AGBL1: variants seen among roughly 807,000 people sequenced by gnomAD.
AGBL1 encodes the protein AGBL carboxypeptidase 1, also known as cytosolic carboxypeptidase 4.
Under a neutral mutation model 118.9 loss-of-function variants are expected in AGBL1, and 130 were observed. The observed-to-expected ratio is 1.09, with a 90% confidence interval of 0.95 to 1.26. The LOEUF (loss-of-function observed/expected upper bound fraction) is 1.26. AGBL1 is among the 50% of genes most tolerant of loss of function. The pLI, the probability that AGBL1 is intolerant of heterozygous loss-of-function variation, is 0.00. For missense variants in AGBL1, 1,584 were observed against 1,298.1 expected (o/e 1.22, Z -3.38); for synonymous variants, 555 against 478.9 (o/e 1.16, Z -2.08).
In AGBL1 at chr15:86,522,872, T is replaced by C; in HGVS notation, c.2618T>C (p.Leu873Pro). Residue 873 changes from leucine (L) to proline (P), a missense_variant, in exon 19 of 23, where the codon CTG becomes CCG. Transcript: ENST00000614907. ...NRQWLSPSAH[L>P]QPTIYHAKGL... ...CAATGGCTTTCTCCCAGTGCTCATC[T>C]GCAGCCAACCATTTACCATGCCAAA... 6.2e-7 allele frequency: 1 copy of C among 1,613,998 alleles called. No homozygotes were observed. Among genetic ancestry groups the C allele is most frequent in the African/African-American group, 1.3e-5 (1 of 75,070 alleles).
At chr15:86,272,216 C>A (rs2079173656) in intron 15 of AGBL1, among the ~76,000 whole-genome samples, 1 of 152,170 alleles carries the variant, frequency 6.6e-6, no homozygotes, top group African/African-American at 2.4e-5. Flanking sequence ...CAAAATTCAT[C>A]TTCAATCCTT....
In AGBL1 at chr15:86,789,390, G is replaced by A. The variant is rs893267804; in HGVS notation, c.3158+114954G>A. ...AAGTTTCAGCCAAATTCCCATCACC[G>A]CAGCTTGTACTTTGGCTTTGGTAGT... is the stretch of plus-strand genomic sequence containing the variant. On this transcript the variant is annotated intron_variant, in intron 22 of 22. Transcript: ENST00000614907. Among the ~76,000 whole-genome samples the A allele has an allele frequency of 3.9e-5, 6 of 152,172 alleles. No homozygotes were observed. The East Asian group carries it at 9.6e-4, about 24-fold the overall frequency.
intron 22 of AGBL1, among the ~76,000 whole-genome samples, chr15:86,682,700 T>G (rs1409509646): frequency 1.3e-5 from 2 of 152,014 alleles, no homozygotes; most frequent in African/African-American, 4.8e-5. Flanking sequence ...TTCTTAGCAG[T>G]AAAAAAAGAA....
At chr15:86,198,608 A>G (rs1567120332) in intron 5 of AGBL1, among the ~76,000 whole-genome samples, 1 of 152,168 alleles carries the variant, frequency 6.6e-6, no homozygotes, top group Non-Finnish European at 1.5e-5. Flanking sequence ...ATTAGATCAT[A>G]AGGGTGAGAT....
chr15:87,008,069 A>T (rs1437611037), intron 24 of AGBL1, among the ~76,000 whole-genome samples: 1 of 152,190 alleles, frequency 6.6e-6, no homozygotes, highest in Non-Finnish European at 1.5e-5. Flanking sequence ...ACTTGACTGG[A>T]TTAAGAAATA....
chr15:86,255,275 T>G (rs549576014), intron 7 of AGBL1, among the ~76,000 whole-genome samples: 1 of 152,320 alleles, frequency 6.6e-6, no homozygotes, highest in African/African-American at 2.4e-5. Flanking sequence ...CATGAAACAC[T>G]TGAGACCATT....
chr15:86,364,559 C>T (rs56087735), intron 17 of AGBL1, among the ~76,000 whole-genome samples: 3,057 of 152,210 alleles, frequency 0.02, 95 homozygotes, highest in African/African-American at 0.071. Context: ...TTTTTCTACA[C>T]ATGTTGTGTT....
intron 5 of AGBL1, among the ~76,000 whole-genome samples, chr15:86,197,285 A>G (rs990511455): frequency 2.0e-5 from 3 of 152,186 alleles, no homozygotes; most frequent in African/African-American, 7.2e-5. Context: ...TGAGGACTGA[A>G]AAAGGAAAGA....
intron 21 of AGBL1, among the ~76,000 whole-genome samples, chr15:86,622,667 G>T (rs924142460): frequency 1.3e-5 from 2 of 152,106 alleles, no homozygotes; most frequent in African/African-American, 4.8e-5. Flanking sequence ...GGGGACACAC[G>T]TTCTAGACCA....
At position 86,725,940 on chromosome 15, in the gene AGBL1, C is replaced by T. The variant is rs114791145; in HGVS notation, c.3158+51504C>T. 3.3e-3 allele frequency among the ~76,000 whole-genome samples: 500 copies of T among 152,224 alleles called. 3 individuals carry two copies. The highest frequency in any genetic ancestry group is 0.011 in the African/African-American group (471 of 41,536). ...TTAAAGGACAGAGCCATATCTTATTCATCATTGTGTTCCCAGTACTAATTC... is the reference window on the plus strand; with the variant it reads ...TTAAAGGACAGAGCCATATCTTATTTATCATTGTGTTCCCAGTACTAATTC... On this transcript the variant is annotated intron_variant, in intron 22 of 22. Coordinates refer to ENST00000614907, the MANE Select transcript of AGBL1 (RefSeq NM_001386094.1).
intron 21 of AGBL1, among the ~76,000 whole-genome samples, chr15:86,577,827 A>G (rs1382045974): frequency 2.4e-5 from 1 of 42,236 alleles, no homozygotes; most frequent in Admixed American, 3.1e-4. Flanking sequence ...AGTGCACAGA[A>G]GTCAAGAACT....
At chr15:86,698,696 T>A (rs1359153371) in intron 22 of AGBL1, among the ~76,000 whole-genome samples, 1 of 151,528 alleles carries the variant, frequency 6.6e-6, no homozygotes, top group East Asian at 1.9e-4. Flanking sequence ...AATCCCACTA[T>A]CCTACTCTGC....
At chr15:86,487,219 G>A (rs146263746) in intron 18 of AGBL1, among the ~76,000 whole-genome samples, 2 of 152,028 alleles carry the variant, frequency 1.3e-5, no homozygotes, top group Non-Finnish European at 2.9e-5. Context: ...GCCACAGGGT[G>A]CAGCGTTCAT....
intron 22 of AGBL1, among the ~76,000 whole-genome samples, chr15:86,743,417 AGCTTCTCAGAACCACCTGG>A (rs1555445484): frequency 2.6e-5 from 4 of 152,066 alleles, no homozygotes; most frequent in Non-Finnish European, 5.9e-5. Flanking sequence ...TCATCCTTAC[AGCTTCTCAGAACCACCTGG>A]GCTGTTTTTC....
In AGBL1 at chr15:86,612,412, G is replaced by A. The variant is rs561029771; in HGVS notation, c.2994+57875G>A. 3.2e-4 allele frequency among the ~76,000 whole-genome samples: 45 copies of A among 139,454 alleles called. No individual in the cohort carries two copies. The South Asian group carries it at 9.2e-3, about 29-fold the overall frequency. The allele number at this position is 139,454 out of a possible 152,430, so 91.5% of individuals were successfully genotyped here. On this transcript the variant is annotated intron_variant, in intron 21 of 22. Coordinates refer to ENST00000614907, the MANE Select transcript of AGBL1 (RefSeq NM_001386094.1). ...CAAGGGGATTCCAAAAAAACCTGAA[G>A]AACTAGTTCAGGCCATGATGGGGTC...
At chr15:86,842,254 G>A (rs1427928609) in intron 22 of AGBL1, among the ~76,000 whole-genome samples, 1 of 151,512 alleles carries the variant, frequency 6.6e-6, no homozygotes, top group Non-Finnish European at 1.5e-5. Context: ...CCTGCCTTGA[G>A]TGTTTTTGCT....
Position 86,541,617 on chromosome 15 carries a change from AG to A in AGBL1, c.2686-4384del, listed in dbSNP as rs1352081051. Among the ~76,000 whole-genome samples the A allele has an allele frequency of 1.6e-3, 205 of 125,104 alleles. 7 individuals are homozygous for A. The highest frequency in any genetic ancestry group is 6.0e-3 in the African/African-American group (196 of 32,418). The allele number at this position is 125,104 out of a possible 152,430, so 82.1% of individuals were successfully genotyped here. ...TCAAAAAAAAAAAAAAAAAAAAAAA[AG>A]AGAGAGAGAGAGAGAGACCCACTGC... On this transcript the variant is annotated intron_variant, in intron 19 of 22. Coordinates refer to ENST00000614907, the MANE Select transcript of AGBL1 (RefSeq NM_001386094.1).
At chr15:86,492,202 C>T (rs1004332697) in intron 18 of AGBL1, among the ~76,000 whole-genome samples, 2 of 152,084 alleles carry the variant, frequency 1.3e-5, no homozygotes, top group African/African-American at 4.8e-5. Flanking sequence ...TTTAGGGAAA[C>T]TTCTCAGAGG....
chr15:86,665,003 G>A (rs903192492), intron 21 of AGBL1, among the ~76,000 whole-genome samples: 3 of 152,100 alleles, frequency 2.0e-5, no homozygotes, highest in South Asian at 2.1e-4. Flanking sequence ...CAACCTCATC[G>A]CGCATTTCTA....
Sources: gnomAD v4.1 joint callset for allele counts (sites outside exome capture counted in the v4.1 genomes callset) on GRCh38, gnomAD v4.1.1 for gene constraint, MANE v1.5 for transcripts, NCBI Gene and HGNC (gene_info 2026-07-23, HGNC 2026-07-21) for gene names.